The following PCDH15 variants were observed in gnomAD, a reference collection of about 807,000 sequenced individuals.
PCDH15 encodes the protein protocadherin-15.
A neutral mutation model predicts 178.5 loss-of-function variants in PCDH15; 129 were observed. The observed-to-expected ratio is 0.72, with a 90% CI of 0.63 to 0.84. PCDH15 has a LOEUF of 0.84. Among genes scored for constraint, PCDH15 ranks in the 40% least tolerant of loss-of-function variants. The pLI, the probability that PCDH15 is intolerant of heterozygous loss-of-function variation, is 0.00. For synonymous variants in PCDH15, 800 were observed against 732.0 expected (o/e 1.09, Z -1.50); for missense variants, 2,230 against 2,099.9 (o/e 1.06, Z -1.21).
At chr10:55,528,458 T>A (rs1841361212) in intron 2 of PCDH15, among the ~76,000 whole-genome samples, 1 of 152,038 alleles carries the variant, frequency 6.6e-6, no homozygotes, top group Non-Finnish European at 1.5e-5. Context: ...TTCCCACCTA[T>A]AAGTGAGAAC....
chr10:53,935,764 T>C (rs2085517696), intron 25 of PCDH15, among the ~76,000 whole-genome samples: 1 of 152,176 alleles, frequency 6.6e-6, no homozygotes, highest in South Asian at 2.1e-4. Context: ...AAGTTTTTTT[T>C]TCTTGTTTTT....
At chr10:55,397,936 A>T (rs564389691) in intron 2 of PCDH15, among the ~76,000 whole-genome samples, 1 of 152,230 alleles carries the variant, frequency 6.6e-6, no homozygotes, top group East Asian at 1.9e-4. Flanking sequence ...TGACGTGAGG[A>T]TGAATGCTAA....
At chr10:55,037,395 G>A (rs1322235351) in intron 2 of PCDH15, among the ~76,000 whole-genome samples, 2 of 152,014 alleles carry the variant, frequency 1.3e-5, no homozygotes, top group Admixed American at 6.6e-5. Flanking sequence ...TACCATGCCT[G>A]GGTAATTTTT....
intron 2 of PCDH15, among the ~76,000 whole-genome samples, chr10:55,090,708 A>T (rs534095493): frequency 6.6e-6 from 1 of 152,260 alleles, no homozygotes; most frequent in African/African-American, 2.4e-5. Context: ...TGTGAGAATC[A>T]GAATAAAGCA....
chr10:55,515,723 T>TA (rs935120925), intron 2 of PCDH15, among the ~76,000 whole-genome samples: 2 of 151,700 alleles, frequency 1.3e-5, no homozygotes, highest in South Asian at 2.1e-4. Flanking sequence ...AATGCCACCT[T>TA]AAAAAAAAGT....
intron 17 of PCDH15, among the ~76,000 whole-genome samples, chr10:54,068,581 TAA>T (rs962966875): frequency 1.3e-5 from 2 of 152,294 alleles, no homozygotes; most frequent in South Asian, 2.1e-4. Context: ...TTCATGAACC[TAA>T]GTTTCTAGAA....
At chr10:54,484,920 A>T (rs2078991775) in intron 3 of PCDH15, among the ~76,000 whole-genome samples, 1 of 151,828 alleles carries the variant, frequency 6.6e-6, no homozygotes, top group Non-Finnish European at 1.5e-5. Context: ...CTCAAATAAT[A>T]TTTGGTGAAC....
At chr10:55,307,359 CG>C (rs1337358620) in intron 1 of PCDH15, among the ~76,000 whole-genome samples, 1 of 151,622 alleles carries the variant, frequency 6.6e-6, no homozygotes, top group Non-Finnish European at 1.5e-5. Context: ...AAAAATTAGC[CG>C]GGCATGGTGG....
intron 2 of PCDH15, among the ~76,000 whole-genome samples, chr10:55,551,057 A>G (rs922147332): frequency 1.4e-4 from 21 of 152,108 alleles, no homozygotes; most frequent in African/African-American, 4.8e-4. Context: ...AAAGAAATAC[A>G]AAATAATAGG....
intron 2 of PCDH15, among the ~76,000 whole-genome samples, chr10:55,591,598 C>T (rs1280134391): frequency 6.6e-6 from 1 of 151,858 alleles, no homozygotes. Context: ...AAAGGAATAT[C>T]CTATTTGACA....
intron 2 of PCDH15, among the ~76,000 whole-genome samples, chr10:55,334,236 A>ATGTG (rs1215130773): frequency 9.5e-6 from 1 of 105,378 alleles, no homozygotes; most frequent in East Asian, 2.8e-4. Context: ...ATATATATAT[A>ATGTG]TATATATGTG....
intron 1 of PCDH15, among the ~76,000 whole-genome samples, chr10:54,707,236 C>A (rs1050913522): frequency 6.6e-6 from 1 of 152,044 alleles, no homozygotes; most frequent in African/African-American, 2.4e-5. Context: ...ACTCAACTGA[C>A]AAAATTTGTT....
At chr10:55,368,699 T>G (rs905222923) in intron 2 of PCDH15, among the ~76,000 whole-genome samples, 8 of 152,274 alleles carry the variant, frequency 5.3e-5, no homozygotes, top group Non-Finnish European at 1.2e-4. Flanking sequence ...TAATGAGTAT[T>G]GGCTGAAAGC....
At chr10:55,209,026 T>TGGG (rs1840485578) in intron 1 of PCDH15, among the ~76,000 whole-genome samples, 1 of 152,252 alleles carries the variant, frequency 6.6e-6, no homozygotes, top group East Asian at 1.9e-4. Flanking sequence ...TGTTATATTC[T>TGGG]GGGGGACTGA....
At chr10:55,503,962 C>T (rs561558654) in intron 2 of PCDH15, among the ~76,000 whole-genome samples, 1 of 151,518 alleles carries the variant, frequency 6.6e-6, no homozygotes, top group South Asian at 2.1e-4. Flanking sequence ...AACTGTGTGA[C>T]TTCTAGAATA....
intron 2 of PCDH15, chr10:54,599,701 C>A (rs960304380): frequency 2.7e-5 from 12 of 444,276 alleles, no homozygotes; most frequent in African/African-American, 1.9e-4. Context: ...AGCAACTGCA[C>A]CTGAAGTTAA....
intron 2 of PCDH15, among the ~76,000 whole-genome samples, chr10:55,388,371 A>G (rs1837711375): frequency 6.6e-6 from 1 of 151,912 alleles, no homozygotes; most frequent in South Asian, 2.1e-4. Flanking sequence ...CTTAATTTTC[A>G]TTAACATTGT....
At chr10:54,545,243 T>C (rs1458115993) in intron 2 of PCDH15, among the ~76,000 whole-genome samples, 1 of 152,178 alleles carries the variant, frequency 6.6e-6, no homozygotes, top group Non-Finnish European at 1.5e-5. Context: ...CTAAAATAGC[T>C]TCAATACTAC....
chr10:55,617,212 A>G (rs1161965492), intron 2 of PCDH15, among the ~76,000 whole-genome samples: 1 of 152,032 alleles, frequency 6.6e-6, no homozygotes, highest in Non-Finnish European at 1.5e-5. Flanking sequence ...CTATTCCTGT[A>G]TCACATTACA....
Sources: allele counts gnomAD v4.1 joint callset (sites outside exome capture counted in the v4.1 genomes callset), GRCh38; gene constraint gnomAD v4.1.1; transcripts MANE v1.5; gene names NCBI Gene and HGNC (gene_info 2026-07-23, HGNC 2026-07-21).